The following WDR17 variants were observed in gnomAD, a reference collection of about 807,000 sequenced individuals.
WDR17 encodes the protein WD repeat domain 17.
A neutral mutation model predicts 161.7 loss-of-function variants in WDR17; 143 were observed. The ratio of observed to expected loss-of-function variants is 0.88; its 90% CI spans 0.77 to 1.02. WDR17 has a LOEUF of 1.02. Ranked by LOEUF, WDR17 falls within the 50% of genes least tolerant of loss-of-function variation. The probability of loss-of-function intolerance (pLI) is 0.00; values close to 1 mark genes in which losing one functional copy is unlikely to be tolerated. For missense variants in WDR17, 1,469 were observed against 1,520.9 expected (o/e 0.97, Z 0.57); for synonymous variants, 517 against 515.6 (o/e 1.00, Z -0.04).
rs1165882510 is a variant in WDR17, at chr4:176,148,129, T to C, written c.1695-4T>C. 1 of 1,613,374 alleles carries C rather than the reference T, an allele frequency of 6.2e-7. No homozygotes were observed. The highest frequency in any genetic ancestry group is 8.5e-7 in the Non-Finnish European group (1 of 1,179,650). ...TTATCACACCCATAATATTCTGTTTTCAGTACCGTTCGAATCTGGGATTAT... is the reference window on the plus strand; with the variant it reads ...TTATCACACCCATAATATTCTGTTTCCAGTACCGTTCGAATCTGGGATTAT... On this transcript the variant is annotated splice_polypyrimidine_tract_variant and splice_region_variant and intron_variant, in intron 12 of 28. Coordinates refer to ENST00000508596, the MANE Select transcript of WDR17 (RefSeq NM_181265.4).
chr4:176,090,437 C>T (rs1030834385), intron 1 of WDR17, among the ~76,000 whole-genome samples: 1 of 151,986 alleles, frequency 6.6e-6, no homozygotes, highest in African/African-American at 2.4e-5. Context: ...AACCATGAGC[C>T]AAATAAAACC....
In WDR17 at chr4:176,180,357, A is replaced by G. The variant is rs1216253646; in HGVS notation, c.*778A>G. 1.3e-5 allele frequency: 2 copies of G among 152,308 alleles called. No individual in the cohort carries two copies. Among genetic ancestry groups the G allele is most frequent in the Admixed American group, 1.3e-4 (2 of 15,304 alleles). 9.4% of individuals were successfully genotyped at this position (152,308 alleles called of 1,614,324 possible). A position where few individuals can be genotyped will look rare whatever the true frequency, so the allele number is the denominator to read the frequency against. On this transcript the variant is annotated 3_prime_UTR_variant, in exon 29 of 29. Transcript: ENST00000508596. ...CATGCATGGATATTAGTTTTGATTA[A>G]TGTGTACAATAATTTACACAGTATA...
chr4:176,118,063 A>G (rs1306081901), intron 3 of WDR17, among the ~76,000 whole-genome samples: 3 of 152,096 alleles, frequency 2.0e-5, no homozygotes, highest in African/African-American at 4.8e-5. Context: ...ATGAAAATGC[A>G]TATTAGTTTT....
rs930623563 is a variant in WDR17 at position 176,182,045 on chromosome 4, A to T, written c.*2466A>T. ...TATTGTACCTTAATATGAAAAACAA[A>T]TTTTTTAATTCATAAAAGTATTTTT... On this transcript the variant is annotated 3_prime_UTR_variant, in exon 29 of 29. Coordinates refer to ENST00000508596, the MANE Select transcript of WDR17 (RefSeq NM_181265.4). The surrounding 1 kb of genome is among the most constrained non-coding windows in gnomAD (Gnocchi z 4.2). 9.9e-5 allele frequency: 15 copies of T among 152,144 alleles called. No individual in the cohort carries two copies. The highest frequency in any genetic ancestry group is 1.9e-4 in the East Asian group (1 of 5,192). The allele number at this position is 152,144 out of a possible 1,614,324, so 9.4% of individuals were successfully genotyped here.
At chr4:176,092,713 G>A (rs1736283451) in intron 1 of WDR17, among the ~76,000 whole-genome samples, 1 of 152,114 alleles carries the variant, frequency 6.6e-6, no homozygotes, top group South Asian at 2.1e-4. Context: ...ACAAAAATAA[G>A]CAGCATTTCT....
intron 1 of WDR17, among the ~76,000 whole-genome samples, chr4:176,109,379 G>T (rs537589975): frequency 6.6e-6 from 1 of 152,144 alleles, no homozygotes; most frequent in Admixed American, 6.5e-5. Flanking sequence ...AATGTTTGAG[G>T]AAATACAGGT....
At chr4:176,074,095 C>A (rs75847124) in intron 1 of WDR17, among the ~76,000 whole-genome samples, 28,791 of 151,444 alleles carry the variant, frequency 0.19, 3,039 homozygotes, top group South Asian at 0.27. Flanking sequence ...TGCAGAAGCT[C>A]TTGAGTTTAA....
intron 13 of WDR17, among the ~76,000 whole-genome samples, chr4:176,148,752 C>T (rs1352818054): frequency 1.3e-5 from 2 of 152,112 alleles, no homozygotes; most frequent in East Asian, 3.9e-4. Context: ...TTTAACCATT[C>T]CTCTATTCTT....
Position 176,111,633 on chromosome 4 carries a change from A to G in WDR17, c.53A>G (p.Asn18Ser), listed in dbSNP as rs200095903. Reference protein sequence around the residue: ...GLLAAGCQPWNKDVCAASGDR... With the variant: ...GLLAAGCQPWSKDVCAASGDR... ...CTGGCTGCTGGATGTCAGCCATGGA[A>G]CAAGGATGTATGTGCTGCCAGTGGA... Residue 18 changes from asparagine (N) to serine (S), a missense_variant, in exon 2 of 29, where the codon AAC becomes AGC. Physicochemically the swap from Asn to Ser is conservative, Grantham distance 46. Coordinates refer to ENST00000508596, the MANE Select transcript of WDR17 (RefSeq NM_181265.4). 3 of 1,611,684 alleles carry G rather than the reference A, an allele frequency of 1.9e-6. No individual in the cohort carries two copies. Among genetic ancestry groups the G allele is most frequent in the East Asian group, 4.5e-5 (2 of 44,774 alleles).
chr4:176,080,925 C>G (rs148444048), intron 1 of WDR17, among the ~76,000 whole-genome samples: 1 of 152,080 alleles, frequency 6.6e-6, no homozygotes, highest in South Asian at 2.1e-4. Flanking sequence ...ACCTACATGT[C>G]GCACTGACAT....
rs1203269553 is a variant in WDR17, at chr4:176,137,586, G to A, written c.1334G>A (p.Gly445Asp). 6.3e-7 allele frequency: 1 copy of A among 1,594,878 alleles called. No homozygotes were observed. The highest frequency in any genetic ancestry group is 8.6e-7 in the Non-Finnish European group (1 of 1,168,300). Residue 445 changes from glycine (G) to aspartate (D), a missense_variant, in exon 9 of 29, where the codon GGC (glycine) becomes GAC (aspartate). Gly to Asp is a moderately conservative substitution (Grantham distance 94, BLOSUM62 -1). Coordinates refer to ENST00000508596, the MANE Select transcript of WDR17 (RefSeq NM_181265.4). Reference protein sequence around the residue: ...NGAFIWNVQKGKIIQRFNEHG... With the variant: ...NGAFIWNVQKDKIIQRFNEHG... ...GCTTTTATTTGGAATGTTCAAAAGG[G>A]CAAAATTATACAACGATTTAATGAG...
In WDR17 at chr4:176,111,669, C is replaced by A; in HGVS notation, c.89C>A (p.Ala30Glu). ...TGTGCTGCCAGTGGAGACAGGTTTG[C>A]ATATTGTGCGACCCTGGCTATCTAT... ...DVCAASGDRF[A>E]YCATLAIYIY... The change falls in exon 2 of 29, where the codon GCA becomes GAA. Residue 30 changes from alanine (A) to glutamate (E), a missense_variant. Coordinates refer to ENST00000508596, the MANE Select transcript of WDR17 (RefSeq NM_181265.4). 1 of 1,608,674 alleles carries A rather than the reference C, an allele frequency of 6.2e-7. No homozygotes were observed. Among genetic ancestry groups the A allele is most frequent in the Non-Finnish European group, 8.5e-7 (1 of 1,176,730 alleles).
chr4:176,153,693 T>A (rs1747601596), intron 17 of WDR17, among the ~76,000 whole-genome samples: 1 of 152,194 alleles, frequency 6.6e-6, no homozygotes, highest in Admixed American at 6.5e-5. Context: ...TTTAGAGTAC[T>A]TGTAAATAAT....
At chr4:176,167,777 A>C (rs1451130359) in intron 22 of WDR17, among the ~76,000 whole-genome samples, 2 of 151,980 alleles carry the variant, frequency 1.3e-5, no homozygotes, top group East Asian at 1.9e-4. Context: ...AAAATATTTT[A>C]ATATAAATCT....
intron 16 of WDR17, 145 bp from the exon 17 acceptor site, chr4:176,151,667 C>T: frequency 1.4e-6 from 1 of 700,636 alleles, no homozygotes; most frequent in Non-Finnish European, 2.2e-6. Context: ...GTATCCATCA[C>T]CTCAAGCATT....
rs1418588141 is a variant in WDR17, at chr4:176,135,273, C to A, written c.1264C>A (p.Pro422Thr). The A allele has an allele frequency of 6.2e-7, 1 of 1,611,534 alleles. No individual in the cohort carries two copies. Among genetic ancestry groups the A allele is most frequent in the Non-Finnish European group, 8.5e-7 (1 of 1,178,172 alleles). ...TGTTATTTATTCCCTTTCTTGGGCT[C>A]CAGGTAAGAGATATTTTATTGAAAT... ...EGVIYSLSWA[P>T]GGLNCIAGGT... is the part of the protein sequence containing the mutation. Residue 422 changes from proline to threonine, a missense_variant, in exon 8 of 29, where the codon CCA (proline) becomes ACA (threonine). Physicochemically the swap from Pro to Thr is conservative, Grantham distance 38. Transcript: ENST00000508596.
intron 8 of WDR17, among the ~76,000 whole-genome samples, chr4:176,137,084 T>C (rs1744536064): frequency 6.6e-6 from 1 of 151,642 alleles, no homozygotes; most frequent in African/African-American, 2.4e-5. Flanking sequence ...AGAAATACTT[T>C]CATAACCATT....
At chr4:176,072,809 T>G (rs1051301318) in intron 1 of WDR17, among the ~76,000 whole-genome samples, 12 of 152,192 alleles carry the variant, frequency 7.9e-5, no homozygotes, top group African/African-American at 2.9e-4. Context: ...ACATTTCCAT[T>G]ACAGAAAAAT....
chr4:176,143,911 CAA>C (rs1477521135), intron 11 of WDR17, among the ~76,000 whole-genome samples: 2 of 152,102 alleles, frequency 1.3e-5, no homozygotes, highest in Non-Finnish European at 2.9e-5. Flanking sequence ...TTAAATCTTT[CAA>C]TACTTTCCCA....
Sources: gnomAD v4.1 joint callset for allele counts (sites outside exome capture counted in the v4.1 genomes callset) on GRCh38, gnomAD v4.1.1 for gene constraint, Gnocchi (gnomAD v3.1) non-coding constraint, MANE v1.5 for transcripts, NCBI Gene and HGNC (gene_info 2026-07-23, HGNC 2026-07-21) for gene names.